Variants in CLIC4 observed in about 807,000 individuals in gnomAD.
The protein encoded by CLIC4 is CLIC family member 4.
CLIC4 carries 13 observed loss-of-function variants against 24.6 expected under a neutral mutation model. The ratio of observed to expected loss-of-function variants is 0.53; its 90% confidence interval spans 0.34 to 0.84. The LOEUF (loss-of-function observed/expected upper bound fraction) is 0.84. Ranked by LOEUF, CLIC4 falls within the 40% of genes least tolerant of loss-of-function variation. The pLI, the probability that CLIC4 is intolerant of heterozygous loss-of-function variation, is 0.01. For synonymous variants in CLIC4, 104 were observed against 111.3 expected (o/e 0.93, Z 0.41); for missense variants, 227 against 301.7 (o/e 0.75, Z 1.83).
chr1:24,756,857 A>G (rs900510278), intron 1 of CLIC4, among the ~76,000 whole-genome samples: 1 of 151,178 alleles, frequency 6.6e-6, no homozygotes, highest in Non-Finnish European at 1.5e-5. Context: ...AGTAGCTGGG[A>G]TTACAGACAC....
chr1:24,818,525 TATCCGCCCACCTCG>T (rs1287439106), intron 3 of CLIC4, among the ~76,000 whole-genome samples: 26 of 152,234 alleles, frequency 1.7e-4, no homozygotes, highest in African/African-American at 6.0e-4. Flanking sequence ...GACCTCAAGG[TATCCGCCCACCTCG>T]GCCTCTCAAA....
rs1639647499 is a variant in CLIC4 at position 24,814,369 on chromosome 1, A to G, written c.308+150A>G. On this transcript the variant is annotated intron_variant, in intron 3 of 5. Transcript: ENST00000374379. ...TAATTAATGCTACACAGATATAAGA[A>G]TTGGCTTCCAGCTAGGCCAATCAGC... 5 of 932,972 alleles carry G rather than the reference A, an allele frequency of 5.4e-6. No homozygotes were observed. The South Asian group carries it at 6.9e-5, about 13-fold the overall frequency. The allele number at this position is 932,972 out of a possible 1,614,324, so 57.8% of individuals were successfully genotyped here.
intron 1 of CLIC4, among the ~76,000 whole-genome samples, chr1:24,761,823 G>A (rs1483834792): frequency 6.6e-6 from 1 of 152,144 alleles, no homozygotes; most frequent in African/African-American, 2.4e-5. Context: ...TTTGGAAGTG[G>A]TGTCAATAGG....
chr1:24,806,524 A>T (rs978982587), intron 2 of CLIC4, among the ~76,000 whole-genome samples: 4 of 152,240 alleles, frequency 2.6e-5, no homozygotes, highest in Non-Finnish European at 5.9e-5. Flanking sequence ...AAAAATATAT[A>T]TATAGCCTTT....
At chr1:24,762,807 A>G (rs1441194254) in intron 1 of CLIC4, among the ~76,000 whole-genome samples, 1 of 152,194 alleles carries the variant, frequency 6.6e-6, no homozygotes, top group Non-Finnish European at 1.5e-5. Context: ...GTGTAAAGCC[A>G]ACTCTAACAA....
chr1:24,750,528 G>C (rs1638761789), intron 1 of CLIC4, among the ~76,000 whole-genome samples: 1 of 150,878 alleles, frequency 6.6e-6, no homozygotes, highest in South Asian at 2.1e-4. Context: ...ACCACACCTG[G>C]CTAATTTTGT....
At chr1:24,748,321 C>T (rs1028232419) in intron 1 of CLIC4, among the ~76,000 whole-genome samples, 12 of 151,940 alleles carry the variant, frequency 7.9e-5, no homozygotes, top group African/African-American at 2.9e-4. Flanking sequence ...TCTCATTGGG[C>T]TTGGTGGCAG....
chr1:24,832,123 AT>A (rs1639847854), intron 4 of CLIC4, among the ~76,000 whole-genome samples: 1 of 152,180 alleles, frequency 6.6e-6, no homozygotes, highest in African/African-American at 2.4e-5. Flanking sequence ...TAAACTTTAC[AT>A]TTCAGCTAAC....
At chr1:24,814,261 T>A (rs758187598) in intron 3 of CLIC4, 42 bp downstream of exon 3, 1 of 1,591,656 alleles carries the variant, frequency 6.3e-7, no homozygotes, top group East Asian at 2.2e-5. Flanking sequence ...TTGTCACTTC[T>A]TTGAAGCTTG....
At chr1:24,768,999 G>A (rs1413270777) in intron 1 of CLIC4, among the ~76,000 whole-genome samples, 1 of 151,210 alleles carries the variant, frequency 6.6e-6, no homozygotes, top group Admixed American at 6.6e-5. Flanking sequence ...ATTAAAAATA[G>A]CGGGGCATGG....
chr1:24,816,413 T>C (rs1225565234), intron 3 of CLIC4, among the ~76,000 whole-genome samples: 3 of 151,984 alleles, frequency 2.0e-5, no homozygotes, highest in Non-Finnish European at 4.4e-5. Flanking sequence ...CTAATTTTTT[T>C]GTATTTTTTA....
At chr1:24,760,093 T>TGGTG (rs1356740530) in intron 1 of CLIC4, among the ~76,000 whole-genome samples, 3 of 152,102 alleles carry the variant, frequency 2.0e-5, no homozygotes, top group African/African-American at 7.2e-5. Context: ...GGGCCAGATG[T>TGGTG]GGTGGTTCAT....
Position 24,800,926 on chromosome 1 carries a change from C to T in CLIC4, c.182+3075C>T, listed in dbSNP as rs1014241518. ...CTCAAGTAATCAGGGACAAACACTG[C>T]GGAAGGCCGCAGGGTCCTCTGCCTA... On this transcript the variant is annotated intron_variant, in intron 2 of 5. Coordinates refer to ENST00000374379, the MANE Select transcript of CLIC4 (RefSeq NM_013943.3). Among the ~76,000 whole-genome samples the T allele has an allele frequency of 1.3e-4, 19 of 149,324 alleles. No individual in the cohort carries two copies. The East Asian group carries it at 2.8e-3, about 22-fold the overall frequency.
At chr1:24,836,485 A>G (rs1452185626) in intron 4 of CLIC4, among the ~76,000 whole-genome samples, 2 of 152,254 alleles carry the variant, frequency 1.3e-5, no homozygotes, top group Non-Finnish European at 2.9e-5. Context: ...TTTTTCCAAA[A>G]AAATTGAAAA....
At chr1:24,745,659 TCCCCCGGCTCC>T in intron 1 of CLIC4, 34 bp downstream of exon 1, 1 of 1,500,524 alleles carries the variant, frequency 6.7e-7, no homozygotes, top group Non-Finnish European at 8.9e-7. Context: ...GCCCGGCAGA[TCCCCCGGCTCC>T]CTCCCGGCTG....
chr1:24,778,001 G>A (rs1369442473), intron 1 of CLIC4: 1 of 152,136 alleles, frequency 6.6e-6, no homozygotes, highest in African/African-American at 2.4e-5. Context: ...CTTCAATATG[G>A]CTGCTAGAAA....
At chr1:24,786,058 A>G (rs960498252) in intron 1 of CLIC4, among the ~76,000 whole-genome samples, 7 of 152,150 alleles carry the variant, frequency 4.6e-5, no homozygotes, top group Admixed American at 1.3e-4. Flanking sequence ...TTTAAAGTTC[A>G]TTCTTTAACA....
intron 3 of CLIC4, among the ~76,000 whole-genome samples, chr1:24,818,864 G>A (rs1234992853): frequency 1.3e-5 from 2 of 151,482 alleles, no homozygotes; most frequent in African/African-American, 2.4e-5. Flanking sequence ...GGAGTGACAG[G>A]TATTCCAGAG....
At chr1:24,816,110 T>C (rs1639664690) in intron 3 of CLIC4, among the ~76,000 whole-genome samples, 1 of 152,182 alleles carries the variant, frequency 6.6e-6, no homozygotes, top group Non-Finnish European at 1.5e-5. Context: ...AACACATATG[T>C]AGTTCCTCCC....
Sources: gnomAD v4.1 joint callset for allele counts (sites outside exome capture counted in the v4.1 genomes callset) on GRCh38, gnomAD v4.1.1 for gene constraint, MANE v1.5 for transcripts, NCBI Gene and HGNC (gene_info 2026-07-23, HGNC 2026-07-21) for gene names.